ZEB1: variants seen among roughly 807,000 people sequenced by gnomAD.
ZEB1 encodes zinc finger E-box-binding homeobox 1.
Under a neutral mutation model 84.9 loss-of-function variants are expected in ZEB1, and 21 were observed. The ratio of observed to expected loss-of-function variants is 0.25; its 90% CI spans 0.18 to 0.36. The LOEUF (loss-of-function observed/expected upper bound fraction) is 0.36, where lower values mean the gene tolerates loss of function less well. ZEB1 is among the 10% of genes least tolerant of loss of function. The pLI is 1.00. For synonymous variants in ZEB1, 420 were observed against 471.1 expected (o/e 0.89, Z 1.41); for missense variants, 1,104 against 1,330.2 (o/e 0.83, Z 2.65).
intron 1 of ZEB1, among the ~76,000 whole-genome samples, chr10:31,450,846 C>A (rs145860856): frequency 1.7e-4 from 25 of 151,068 alleles, no homozygotes; most frequent in Non-Finnish European, 3.4e-4. Context: ...TTATTTAGGA[C>A]CATTGCATAT....
Position 31,520,754 on chromosome 10 carries a change from TATC to T in ZEB1, c.1427_1429del (p.Ile476del). ...TTGATCAAGATGGAACAACCAAAATTATCATCAACTACAGTCTTGAGCAGCCTA... is the reference window on the plus strand; with the variant it reads ...TTGATCAAGATGGAACAACCAAAATTATCAACTACAGTCTTGAGCAGCCTA... On this transcript the variant is annotated inframe_deletion, in exon 7 of 9. Transcript: ENST00000424869. This position sits in a 1 kb window ranked among gnomAD's most constrained non-coding sequence, Gnocchi z 5.1. 6.2e-7 allele frequency: 1 copy of T among 1,614,040 alleles called. No individual in the cohort carries two copies. The highest frequency in any genetic ancestry group is 8.5e-7 in the Non-Finnish European group (1 of 1,179,990).
At chr10:31,414,508 T>C (rs1320806059) in intron 1 of ZEB1, among the ~76,000 whole-genome samples, 5 of 152,216 alleles carry the variant, frequency 3.3e-5, no homozygotes, top group African/African-American at 9.7e-5. Flanking sequence ...ATAAATACTT[T>C]AAAATAAATT....
chr10:31,518,815 T>G (rs906110475), intron 6 of ZEB1, among the ~76,000 whole-genome samples: 4 of 152,170 alleles, frequency 2.6e-5, no homozygotes, highest in Non-Finnish European at 5.9e-5. Flanking sequence ...AATGAACTCT[T>G]CATTGAAAAG....
intron 1 of ZEB1, among the ~76,000 whole-genome samples, chr10:31,456,139 C>T (rs2061189692): frequency 6.6e-6 from 1 of 152,154 alleles, no homozygotes; most frequent in South Asian, 2.1e-4. Flanking sequence ...CCATCATTCT[C>T]AGCAAACTAT....
At chr10:31,387,033 T>C in intron 1 of ZEB1, 1 of 929,458 alleles carries the variant, frequency 1.1e-6, no homozygotes, top group Non-Finnish European at 1.3e-6. Context: ...CTAATTTCTG[T>C]TCTCAAAACT....
intron 1 of ZEB1, among the ~76,000 whole-genome samples, chr10:31,405,297 T>G (rs183079545): frequency 6.6e-6 from 1 of 152,138 alleles, no homozygotes; most frequent in Non-Finnish European, 1.5e-5. Context: ...CTTATGGAAG[T>G]GTCAAAGGTG....
chr10:31,517,454 T>C lies in ZEB1; in HGVS notation c.794-2672T>C, dbSNP rs547115252. 9.2e-4 allele frequency among the ~76,000 whole-genome samples: 140 copies of C among 151,370 alleles called. 2 individuals are homozygous for C. The highest frequency in any genetic ancestry group is 3.3e-3 in the African/African-American group (137 of 41,224). On this transcript the variant is annotated intron_variant, in intron 6 of 8. Coordinates refer to ENST00000424869, the MANE Select transcript of ZEB1 (RefSeq NM_001174096.2). ...TTCCATGGTCTTAGTAATTTTTGCCTGGAAAATTTTTGTATCAGATGCAGC... is the reference window on the plus strand; with the variant it reads ...TTCCATGGTCTTAGTAATTTTTGCCCGGAAAATTTTTGTATCAGATGCAGC...
chr10:31,428,791 C>T (rs2057314407), intron 1 of ZEB1, among the ~76,000 whole-genome samples: 1 of 152,156 alleles, frequency 6.6e-6, no homozygotes, highest in African/African-American at 2.4e-5. Flanking sequence ...GAATGTAAAC[C>T]TTTACCATTG....
chr10:31,521,020 C>A lies in ZEB1; in HGVS notation c.1688C>A (p.Pro563His). ...LKQPTQPPPL[P>H]AAEAEKPESS... ...CAGCCTACTCAGCCTCCTCCACTCC[C>A]TGCAGCAGAAGCTGAGAAGCCTGAG... is the stretch of plus-strand genomic sequence containing the variant. Residue 563 changes from proline (P) to histidine (H), a missense_variant, in exon 7 of 9, where the codon CCT becomes CAT. Pro to His is a moderately conservative substitution (Grantham distance 77). This residue lies in a region of ZEB1 where 531 missense variants were observed against 575.2 expected (regional missense o/e 0.92). Transcript: ENST00000424869. 1 of 1,614,078 alleles carries A rather than the reference C, an allele frequency of 6.2e-7. No individual in the cohort carries two copies. The highest frequency in any genetic ancestry group is 8.5e-7 in the Non-Finnish European group (1 of 1,179,988).
At chr10:31,357,525 A>G (rs757884776) in intron 1 of ZEB1, among the ~76,000 whole-genome samples, 10 of 152,192 alleles carry the variant, frequency 6.6e-5, no homozygotes, top group South Asian at 2.1e-4. Flanking sequence ...AGAAGAGGTC[A>G]TATTGGTACA....
chr10:31,398,991 CTTTTT>C (rs34530318), intron 1 of ZEB1, among the ~76,000 whole-genome samples: 1 of 133,142 alleles, frequency 7.5e-6, no homozygotes, highest in African/African-American at 2.8e-5. Flanking sequence ...GTCCTTTAGT[CTTTTT>C]TTTTTTTTTT....
At chr10:31,505,569 C>G (rs1209525009) in intron 4 of ZEB1, among the ~76,000 whole-genome samples, 1 of 151,858 alleles carries the variant, frequency 6.6e-6, no homozygotes, top group Non-Finnish European at 1.5e-5. Flanking sequence ...TATAGTTGTT[C>G]ATAATTGTCT....
At position 31,502,369 on chromosome 10, in the gene ZEB1, C is replaced by A; in HGVS notation, c.344C>A (p.Ser115Ter). Residue 115 changes from serine (S) to a stop codon, truncating the protein, a stop_gained, in exon 4 of 9, where the codon TCA becomes TAA. Coordinates refer to ENST00000424869, the MANE Select transcript of ZEB1 (RefSeq NM_001174096.2). LOFTEE classifies it high-confidence loss of function. Reference sequence around the variant, plus strand: ...TTAGTAAAAGATGATGAATGCGAGTCAGATGCAGAAAATGAGCAAAACCAT... The same window carrying A: ...TTAGTAAAAGATGATGAATGCGAGTAAGATGCAGAAAATGAGCAAAACCAT... ...GCTVKDDECE[S>*]DAENEQNHDP... 1 of 1,613,728 alleles carries A rather than the reference C, an allele frequency of 6.2e-7. No individual in the cohort carries two copies. Among genetic ancestry groups the A allele is most frequent in the South Asian group, 1.1e-5 (1 of 91,042 alleles).
At chr10:31,475,422 A>G (rs2063991618) in intron 2 of ZEB1, among the ~76,000 whole-genome samples, 7 of 152,192 alleles carry the variant, frequency 4.6e-5, no homozygotes, top group Admixed American at 4.6e-4. Flanking sequence ...AGATGTAGAC[A>G]TCAAGATACA....
At chr10:31,511,673 G>T (rs1356246800) in intron 5 of ZEB1, among the ~76,000 whole-genome samples, 2 of 152,070 alleles carry the variant, frequency 1.3e-5, no homozygotes, top group African/African-American at 4.8e-5. Context: ...ACATGTTGGG[G>T]TTAGGCCACA....
At chr10:31,451,626 A>C (rs975454797) in intron 1 of ZEB1, among the ~76,000 whole-genome samples, 2 of 152,360 alleles carry the variant, frequency 1.3e-5, no homozygotes, top group South Asian at 2.1e-4. Flanking sequence ...TTTCCTCAAC[A>C]CAAAAAGGAA....
Position 31,527,450 on chromosome 10 carries a change from C to CA in ZEB1, c.*187dup. The CA allele has an allele frequency of 4.3e-6, 3 of 695,126 alleles. No homozygotes were observed. The highest frequency in any genetic ancestry group is 6.7e-6 in the Non-Finnish European group (3 of 445,954). The allele number at this position is 695,126 out of a possible 1,614,324, so 43.1% of individuals were successfully genotyped here. A position where few individuals can be genotyped will look rare whatever the true frequency, so the allele number is the denominator to read the frequency against. On this transcript the variant is annotated 3_prime_UTR_variant, in exon 9 of 9. Transcript: ENST00000424869. ...ACACACACACACACACACACACACACACAAAATAAATCCGGGTGTGCCTGA... is the reference window on the plus strand; with the variant it reads ...ACACACACACACACACACACACACACAACAAAATAAATCCGGGTGTGCCTGA...
chr10:31,362,703 G>A (rs1038100727), intron 1 of ZEB1: 258 of 474,282 alleles, frequency 5.4e-4, no homozygotes, highest in African/African-American at 4.3e-3. Flanking sequence ...GGGCAGAGGC[G>A]CTCCTCACTT....
chr10:31,474,610 G>C (rs1050737392), intron 2 of ZEB1, among the ~76,000 whole-genome samples: 2 of 152,140 alleles, frequency 1.3e-5, no homozygotes, highest in Non-Finnish European at 2.9e-5. Context: ...TACACTGTTG[G>C]TGGGACTGTA....
Sources: gnomAD v4.1 joint callset for allele counts (sites outside exome capture counted in the v4.1 genomes callset) on GRCh38, gnomAD v4.1.1 for gene constraint, gnomAD v4.1.1 regional missense constraint, Gnocchi (gnomAD v3.1) non-coding constraint, MANE v1.5 for transcripts, NCBI Gene and HGNC (gene_info 2026-07-23, HGNC 2026-07-21) for gene names.